C12orf56: variants seen among roughly 807,000 people sequenced by gnomAD.
C12orf56 encodes the protein chromosome 12 open reading frame 56, also known as uncharacterized protein C12orf56.
Under a neutral mutation model 69.9 loss-of-function variants are expected in C12orf56, and 71 were observed. The observed-to-expected ratio is 1.02, with a 90% confidence interval of 0.84 to 1.24. C12orf56 has a LOEUF of 1.24. Ranked by LOEUF, C12orf56 falls within the 50% of genes most tolerant of loss-of-function variation. The probability of loss-of-function intolerance (pLI) is 0.00; values close to 1 mark genes in which losing one functional copy is unlikely to be tolerated. For missense variants in C12orf56, 732 were observed against 738.5 expected, an observed-to-expected ratio of 0.99 and a Z score of 0.10; for synonymous variants, 276 against 274.1, an observed-to-expected ratio of 1.01 and a Z score of -0.07.
Position 64,266,940 on chromosome 12 carries a change from A to T in C12orf56, c.*243T>A, listed in dbSNP as rs1029156730. Reference sequence around the variant, plus strand: ...TGAGTTTGAAGAACTACTCTAATAAAGAAATGGCTCTTTTGCCCAATGGCA... The same window carrying T: ...TGAGTTTGAAGAACTACTCTAATAATGAAATGGCTCTTTTGCCCAATGGCA... On this transcript the variant is annotated 3_prime_UTR_variant, in exon 13 of 13. Coordinates refer to ENST00000543942, the MANE Select transcript of C12orf56 (RefSeq NM_001170633.2). 3.3e-5 allele frequency: 14 copies of T among 420,616 alleles called. No individual in the cohort carries two copies. Among genetic ancestry groups the T allele is most frequent in the Non-Finnish European group, 5.0e-5 (12 of 242,412 alleles). 26.1% of individuals were successfully genotyped at this position (420,616 alleles called of 1,614,324 possible). A position where few individuals can be genotyped will look rare whatever the true frequency, so the allele number is the denominator to read the frequency against.
intron 8 of C12orf56, among the ~76,000 whole-genome samples, chr12:64,280,287 G>A (rs1486790299): frequency 1.3e-5 from 2 of 152,156 alleles, no homozygotes; most frequent in African/African-American, 4.8e-5. Flanking sequence ...AGATAACTTA[G>A]AGGATTGACA....
intron 1 of C12orf56, among the ~76,000 whole-genome samples, chr12:64,384,509 A>T (rs937016409): frequency 1.3e-5 from 2 of 152,220 alleles, no homozygotes; most frequent in African/African-American, 2.4e-5. Flanking sequence ...ACCTTGAAGG[A>T]GGACAAACTG....
At chr12:64,323,198 T>G (rs1299037272) in intron 3 of C12orf56, among the ~76,000 whole-genome samples, 1 of 152,222 alleles carries the variant, frequency 6.6e-6, no homozygotes, top group Admixed American at 6.5e-5. Flanking sequence ...AGACAGGGAC[T>G]GAGTCCTGGG....
chr12:64,329,875 C>A (rs1460247944), intron 3 of C12orf56, among the ~76,000 whole-genome samples: 1 of 151,686 alleles, frequency 6.6e-6, no homozygotes, highest in Non-Finnish European at 1.5e-5. Context: ...TTTATGGCTG[C>A]ATAGTATTCC....
At chr12:64,303,856 C>A in intron 5 of C12orf56, 77 bp from the exon 6 acceptor site, 9 of 1,425,194 alleles carry the variant, frequency 6.3e-6, no homozygotes, top group Non-Finnish European at 8.4e-6. Context: ...TGATTACTGT[C>A]AGGTTTGTTA....
At chr12:64,331,088 A>T in intron 2 of C12orf56, 56 bp from the exon 3 acceptor site, 1 of 1,364,186 alleles carries the variant, frequency 7.3e-7, no homozygotes, top group Non-Finnish European at 1.0e-6. Context: ...TGAAATTATG[A>T]AGAAGACCTA....
At chr12:64,338,527 G>T in intron 2 of C12orf56, 2 of 1,249,690 alleles carry the variant, frequency 1.6e-6, no homozygotes, top group Non-Finnish European at 2.4e-6. Flanking sequence ...CTGTGGTAAG[G>T]TCATCCCTCA....
At chr12:64,278,585 A>T (rs1052609783) in intron 8 of C12orf56, among the ~76,000 whole-genome samples, 11 of 152,180 alleles carry the variant, frequency 7.2e-5, no homozygotes, top group Non-Finnish European at 1.6e-4. Context: ...ATCACCTCAC[A>T]TGCTTATTTT....
At chr12:64,277,951 C>A (rs114032363) in intron 8 of C12orf56, 148 bp from the exon 9 acceptor site, 1 of 464,546 alleles carries the variant, frequency 2.2e-6, no homozygotes, top group Non-Finnish European at 3.5e-6. Context: ...TCCTTGGACA[C>A]GCAAATGAAT....
chr12:64,285,955 C>G lies in C12orf56; in HGVS notation c.1219G>C (p.Val407Leu), dbSNP rs753496804. 6.3e-7 allele frequency: 1 copy of G among 1,581,286 alleles called. No homozygotes were observed. The highest frequency in any genetic ancestry group is 1.8e-5 in the Admixed American group (1 of 56,712). Residue 407 changes from valine (V) to leucine (L), a missense_variant and splice_region_variant, in exon 7 of 13, where the codon GTG (valine) becomes CTG (leucine). Physicochemically the swap from Val to Leu is conservative, Grantham distance 32 (BLOSUM62 1). Coordinates refer to ENST00000543942, the MANE Select transcript of C12orf56 (RefSeq NM_001170633.2). ...QNQSQRVDEL[V>L]ACIEIIQTLV... ...GATGATTATCTAGTTAGTACTTACA[C>G]CAGCTCATCAACCCTTTGGCTTTGA...
At chr12:64,338,139 G>A (rs1432983852) in intron 2 of C12orf56, 2 of 535,410 alleles carry the variant, frequency 3.7e-6, no homozygotes, top group African/African-American at 2.0e-5. Flanking sequence ...ATCACAGCAG[G>A]AGAGCTGAGG....
At chr12:64,270,775 A>T in intron 11 of C12orf56, 61 bp from the exon 12 acceptor site, 1 of 1,413,102 alleles carries the variant, frequency 7.1e-7, no homozygotes, top group Non-Finnish European at 9.6e-7. Flanking sequence ...CAACTATTTC[A>T]GCTGGAGCTT....
chr12:64,318,869 G>C lies in C12orf56; in HGVS notation c.600C>G (p.Pro200=). 1 of 1,537,232 alleles carries C rather than the reference G, an allele frequency of 6.5e-7. No homozygotes were observed. The highest frequency in any genetic ancestry group is 8.7e-7 in the Non-Finnish European group (1 of 1,146,904). ...GTGCAGACTGAGAGCTCCTCCTGGA[G>C]GGGGAAGGTAGGGGTCGAAAGGCAC... ...GQGAFRPLPS[P]SRRSSQSAPT... The change falls in exon 4 of 13, where the codon CCC becomes CCG. Residue 200 remains proline, a synonymous_variant. Coordinates refer to ENST00000543942, the MANE Select transcript of C12orf56 (RefSeq NM_001170633.2).
intron 11 of C12orf56, among the ~76,000 whole-genome samples, chr12:64,271,164 C>CA (rs899689081): frequency 1.3e-5 from 2 of 149,820 alleles, no homozygotes; most frequent in Admixed American, 6.7e-5. Flanking sequence ...GATTCCATCT[C>CA]AAAAAAAAGT....
At chr12:64,326,018 G>A (rs1432466242) in intron 3 of C12orf56, among the ~76,000 whole-genome samples, 1 of 152,004 alleles carries the variant, frequency 6.6e-6, no homozygotes, top group Admixed American at 6.6e-5. Flanking sequence ...TAGCCAAGAT[G>A]GAGTAATAGG....
rs1290723622 is a variant in C12orf56, at chr12:64,372,710, C to T, written c.252+17604G>A. ...TGTATTTTCAGTAGAGACGAAGTTT[C>T]ACCATGTTGGCCAGGCTGGGTCTCA... On this transcript the variant is annotated intron_variant, in intron 1 of 12. Coordinates refer to ENST00000543942, the MANE Select transcript of C12orf56 (RefSeq NM_001170633.2). 3.3e-5 allele frequency among the ~76,000 whole-genome samples: 5 copies of T among 152,128 alleles called. No individual in the cohort carries two copies. The South Asian group carries it at 8.3e-4, about 25-fold the overall frequency.
intron 12 of C12orf56, among the ~76,000 whole-genome samples, chr12:64,269,070 G>T (rs979385548): frequency 6.6e-6 from 1 of 150,978 alleles, no homozygotes; most frequent in African/African-American, 2.4e-5. Context: ...AGCCCAGGAG[G>T]CAGAGATTGT....
intron 2 of C12orf56, among the ~76,000 whole-genome samples, chr12:64,340,715 TC>T (rs2039063512): frequency 6.6e-6 from 1 of 152,240 alleles, no homozygotes; most frequent in African/African-American, 2.4e-5. Flanking sequence ...GAGGAAATAC[TC>T]ATGACAATTA....
intron 6 of C12orf56, among the ~76,000 whole-genome samples, chr12:64,303,001 G>C (rs184243595): frequency 3.3e-5 from 5 of 152,104 alleles, no homozygotes; most frequent in African/African-American, 4.8e-5. Flanking sequence ...GGCAGGGCGC[G>C]GTGGTTCACA....
Sources: gnomAD v4.1 joint callset for allele counts (sites outside exome capture counted in the v4.1 genomes callset) on GRCh38, gnomAD v4.1.1 for gene constraint, MANE v1.5 for transcripts, NCBI Gene and HGNC (gene_info 2026-07-23, HGNC 2026-07-21) for gene names.